Variants in PARD3 observed in about 807,000 individuals in gnomAD.
PARD3 encodes the protein par-3 family cell polarity regulator, also known as partitioning defective 3 homolog.
In PARD3, 75 loss-of-function variants were observed where a neutral mutation model predicts 155.4. That is an observed-to-expected ratio of 0.48 (90% CI 0.40 to 0.58). The LOEUF is 0.58. Ranked by LOEUF, PARD3 falls within the 20% of genes least tolerant of loss-of-function variation. The pLI is 0.00. For synonymous variants in PARD3, 576 were observed against 610.5 expected (o/e 0.94, Z 0.83); for missense variants, 1,642 against 1,721.7 (o/e 0.95, Z 0.82).
chr10:34,648,778 A>G (rs2092921616), intron 2 of PARD3, among the ~76,000 whole-genome samples: 1 of 152,144 alleles, frequency 6.6e-6, no homozygotes, highest in Non-Finnish European at 1.5e-5. Flanking sequence ...AATACTACAC[A>G]ATGTGAAAAT....
At chr10:34,565,150 T>G (rs2085817054) in intron 2 of PARD3, among the ~76,000 whole-genome samples, 1 of 150,786 alleles carries the variant, frequency 6.6e-6, no homozygotes. Context: ...TAAGATCATC[T>G]AGTAGCCAAG....
chr10:34,787,287 G>A (rs1028074589), intron 1 of PARD3, among the ~76,000 whole-genome samples: 3 of 152,296 alleles, frequency 2.0e-5, no homozygotes, highest in African/African-American at 4.8e-5. Context: ...GCTGAGGCAG[G>A]AGAATTGCTT....
At chr10:34,502,332 C>T (rs1301857184) in intron 3 of PARD3, among the ~76,000 whole-genome samples, 1 of 151,988 alleles carries the variant, frequency 6.6e-6, no homozygotes. Flanking sequence ...GTTGATAATG[C>T]TAGAGATGGA....
intron 22 of PARD3, among the ~76,000 whole-genome samples, chr10:34,182,744 A>T (rs1246841653): frequency 4.1e-5 from 4 of 96,558 alleles, no homozygotes; most frequent in Non-Finnish European, 1.1e-4. Context: ...ACATTTCTTA[A>T]AAAAAAAAAA....
intron 16 of PARD3, among the ~76,000 whole-genome samples, chr10:34,338,554 G>A (rs1016507759): frequency 4.6e-5 from 7 of 152,130 alleles, no homozygotes; most frequent in African/African-American, 1.4e-4. Flanking sequence ...ATTTATGATA[G>A]TCTTCCTCAT....
rs186768642 is a variant in PARD3 at position 34,629,116 on chromosome 10, C to T, written c.222+67202G>A. 9.2e-5 allele frequency among the ~76,000 whole-genome samples: 14 copies of T among 152,242 alleles called. 1 individual carries two copies. The East Asian group carries it at 1.5e-3, about 17-fold the overall frequency. ...GTGAGAATAATGTACCCAATTGGTG[C>T]GGTAATGAAAGGTCCCTGGGCAGAA... On this transcript the variant is annotated intron_variant, in intron 2 of 24. Coordinates refer to ENST00000374788, the MANE Select transcript of PARD3 (RefSeq NM_001184785.2).
chr10:34,336,968 CAA>C (rs148729720), intron 17 of PARD3, among the ~76,000 whole-genome samples: 11,196 of 152,010 alleles, frequency 0.074, 555 homozygotes, highest in Non-Finnish European at 0.1. Context: ...TTTAAATAGC[CAA>C]AGTGTTAAAA....
At chr10:34,337,998 C>T (rs1347626463) in intron 16 of PARD3, among the ~76,000 whole-genome samples, 3 of 152,208 alleles carry the variant, frequency 2.0e-5, no homozygotes, top group African/African-American at 7.2e-5. Context: ...TTATTAGAAC[C>T]TATTCTGATT....
chr10:34,317,592 C>T (rs1958087808), intron 19 of PARD3, among the ~76,000 whole-genome samples: 1 of 152,162 alleles, frequency 6.6e-6, no homozygotes, highest in African/African-American at 2.4e-5. Context: ...TGCTGATGCA[C>T]CCACAGAAAC....
intron 22 of PARD3, among the ~76,000 whole-genome samples, chr10:34,216,735 G>A (rs1252931932): frequency 6.6e-6 from 1 of 152,202 alleles, no homozygotes; most frequent in African/African-American, 2.4e-5. Flanking sequence ...CAGCAGAATA[G>A]CTGCTTTAAA....
chr10:34,750,434 T>C (rs1038797675), intron 1 of PARD3, among the ~76,000 whole-genome samples: 10 of 147,618 alleles, frequency 6.8e-5, no homozygotes, highest in African/African-American at 2.5e-5. Flanking sequence ...GTAGTACCAT[T>C]ACAGTTACAT....
At chr10:34,378,163 G>A (rs1841443229) in intron 9 of PARD3, 57 bp from the exon 10 acceptor site, 14 of 1,339,358 alleles carry the variant, frequency 1.0e-5, no homozygotes, top group Non-Finnish European at 1.5e-5. Context: ...AATTTTACAG[G>A]TGTATTGCAC....
chr10:34,507,973 G>T (rs2081185764), intron 3 of PARD3, among the ~76,000 whole-genome samples: 2 of 152,256 alleles, frequency 1.3e-5, no homozygotes, highest in South Asian at 4.2e-4. Context: ...CCAGAAAATA[G>T]TACTCTGATA....
Position 34,470,242 on chromosome 10 carries a change from C to T in PARD3, c.425G>A (p.Arg142His), listed in dbSNP as rs753692813. ...GCCAATTAGAGCTGGGTCACTACTG[C>T]GTCGAACATGAAGAGGCATATCTGT... ...LRANMPLHVR[R>H]SSDPALIGLS... The change falls in exon 4 of 25, where the codon CGC (arginine) becomes CAC (histidine). Residue 142 changes from arginine (R) to histidine (H), a missense_variant. Around this residue, in one of 3 missense-constraint regions of PARD3, gnomAD observed 1,529 missense variants for 1,587.3 expected, o/e 0.96. Coordinates refer to ENST00000374788, the MANE Select transcript of PARD3 (RefSeq NM_001184785.2). 6 of 1,605,136 alleles carry T rather than the reference C, an allele frequency of 3.7e-6. No homozygotes were observed. Among genetic ancestry groups the T allele is most frequent in the Admixed American group, 3.4e-5 (2 of 58,818 alleles).
At chr10:34,444,729 A>G (rs2074989104) in intron 5 of PARD3, among the ~76,000 whole-genome samples, 2 of 152,214 alleles carry the variant, frequency 1.3e-5, no homozygotes, top group Non-Finnish European at 2.9e-5. Flanking sequence ...ATTCTTATAG[A>G]AAGAAGATTC....
chr10:34,521,620 C>A (rs1326498370), intron 2 of PARD3, among the ~76,000 whole-genome samples: 1 of 152,128 alleles, frequency 6.6e-6, no homozygotes, highest in African/African-American at 2.4e-5. Flanking sequence ...AAAAGACAGG[C>A]AGAATTTGGA....
At chr10:34,448,457 A>C (rs1475744063) in intron 5 of PARD3, among the ~76,000 whole-genome samples, 1 of 152,094 alleles carries the variant, frequency 6.6e-6, no homozygotes, top group Non-Finnish European at 1.5e-5. Flanking sequence ...AACTCTGGAG[A>C]CCTAACGTAT....
chr10:34,403,192 A>G (rs1844083952), intron 5 of PARD3, among the ~76,000 whole-genome samples: 1 of 152,214 alleles, frequency 6.6e-6, no homozygotes, highest in Admixed American at 6.5e-5. Flanking sequence ...TTAGAGGTTT[A>G]TATGTATAAT....
At chr10:34,400,589 A>C (rs1009424004) in intron 6 of PARD3, among the ~76,000 whole-genome samples, 1 of 152,194 alleles carries the variant, frequency 6.6e-6, no homozygotes, top group African/African-American at 2.4e-5. Flanking sequence ...ATTATTACCA[A>C]TGAATTTCAC....
Sources: allele counts gnomAD v4.1 joint callset (sites outside exome capture counted in the v4.1 genomes callset), GRCh38; gene constraint gnomAD v4.1.1; regional missense constraint gnomAD v4.1.1; transcripts MANE v1.5; gene names NCBI Gene and HGNC (gene_info 2026-07-23, HGNC 2026-07-21).